Variants in NYX observed in about 807,000 individuals in gnomAD.
The protein encoded by NYX is nyctalopin.
For missense variants in NYX, 481 were observed against 485.4 expected, an observed-to-expected ratio of 0.99 and a Z score of 0.09; for synonymous variants, 258 against 245.7, an observed-to-expected ratio of 1.05 and a Z score of -0.47.
chrX:41,467,655 C>T (rs1186250059), intron 2 of NYX, among the ~76,000 whole-genome samples: 1 of 110,266 alleles, frequency 9.1e-6, no homozygotes, highest in Non-Finnish European at 1.9e-5. Flanking sequence ...CGCCTGGAGA[C>T]TTAATTTATT....
At chrX:41,466,316 A>G (rs2064337664) in intron 2 of NYX, among the ~76,000 whole-genome samples, 1 of 103,470 alleles carries the variant, frequency 9.7e-6, no homozygotes. Context: ...GCTACTTGGG[A>G]GGCTGAGGTG....
chrX:41,452,463 T>C (rs1013225545), intron 2 of NYX, among the ~76,000 whole-genome samples: 1 of 111,584 alleles, frequency 9.0e-6, no homozygotes, highest in Non-Finnish European at 1.9e-5. Context: ...AGTCAGGCAG[T>C]GTGGTATATC....
chrX:41,474,444 C>T lies in NYX; in HGVS notation c.976C>T (p.Leu326Phe), dbSNP rs1321525992. 8.3e-7 allele frequency: 1 copy of T among 1,208,805 alleles called. No homozygotes were observed. Among genetic ancestry groups the T allele is most frequent in the Admixed American group, 2.2e-5 (1 of 46,077 alleles). ...CCAGCCCGGCTTCTTCCTGGGCCGCCTCTTCCTCTTCCGCAACCCGTGGTG... is the reference window on the plus strand; with the variant it reads ...CCAGCCCGGCTTCTTCCTGGGCCGCTTCTTCCTCTTCCGCAACCCGTGGTG... The part of the protein sequence containing the change: ...AFQPGFFLGR[L>F]FLFRNPWCCD... Residue 326 changes from leucine (L) to phenylalanine (F), a missense_variant, in exon 3 of 3, where the codon CTC becomes TTC. Leu to Phe is a conservative substitution (Grantham distance 22). Coordinates refer to ENST00000378220, the MANE Select transcript of NYX (RefSeq NM_001378477.3).
intron 2 of NYX, among the ~76,000 whole-genome samples, chrX:41,461,280 C>T (rs1225179946): frequency 9.2e-6 from 1 of 108,598 alleles, no homozygotes. Flanking sequence ...ATTTGGTTTT[C>T]CATTCCTGAG....
rs3810732 is a variant in NYX, at chrX:41,447,942, G to A, written c.22+16G>A. ...CTTCTGCATGGTGAGTTCTCCTGCC[G>A]GTGGGTGCAAGGGTTGGGAAGAGGG... On this transcript the variant is annotated intron_variant, in intron 2 of 2. Transcript: ENST00000378220. The A allele has an allele frequency of 0.022, 26,104 of 1,205,233 alleles. 235 individuals are homozygous for A. The highest frequency in any genetic ancestry group is 0.025 in the Non-Finnish European group (22,212 of 892,004).
At chrX:41,469,711 T>G (rs1484192423) in intron 2 of NYX, among the ~76,000 whole-genome samples, 1 of 110,162 alleles carries the variant, frequency 9.1e-6, no homozygotes, top group Non-Finnish European at 1.9e-5. Context: ...CACACCCGGC[T>G]AATTTTTGTA....
At chrX:41,464,790 C>T (rs2064332772) in intron 2 of NYX, among the ~76,000 whole-genome samples, 1 of 109,393 alleles carries the variant, frequency 9.1e-6, no homozygotes, top group African/African-American at 3.3e-5. Context: ...ATCTTCTCTC[C>T]TCTGAGACTC....
chrX:41,460,958 T>C (rs1257336591), intron 2 of NYX, among the ~76,000 whole-genome samples: 1 of 93,953 alleles, frequency 1.1e-5, no homozygotes, highest in Non-Finnish European at 2.1e-5. Context: ...TTCATCCATG[T>C]TGCAGGTATC....
At chrX:41,456,113 G>A (rs774288193) in intron 2 of NYX, among the ~76,000 whole-genome samples, 5 of 111,516 alleles carry the variant, frequency 4.5e-5, no homozygotes, top group South Asian at 3.7e-4. Flanking sequence ...TGAGGAGAGC[G>A]GATCACTTGA....
At chrX:41,448,040 G>T (rs1236190291) in intron 2 of NYX, 114 bp downstream of exon 2, 4 of 736,847 alleles carry the variant, frequency 5.4e-6, no homozygotes, top group South Asian at 2.3e-5. Context: ...GGACACTTCT[G>T]ATCAGGTTTC....
At chrX:41,449,501 T>C (rs930789904) in intron 2 of NYX, among the ~76,000 whole-genome samples, 7 of 111,767 alleles carry the variant, frequency 6.3e-5, no homozygotes, top group Middle Eastern at 4.6e-3. Flanking sequence ...CATGACTTCC[T>C]ACCTCGAAGA....
chrX:41,450,141 C>A (rs1318691653), intron 2 of NYX, among the ~76,000 whole-genome samples: 1 of 112,257 alleles, frequency 8.9e-6, no homozygotes, highest in Non-Finnish European at 1.9e-5. Flanking sequence ...CTCCTCCCCC[C>A]ATGTTAACCC....
At chrX:41,462,416 G>A (rs978861369) in intron 2 of NYX, among the ~76,000 whole-genome samples, 1 of 112,418 alleles carries the variant, frequency 8.9e-6, no homozygotes, top group Non-Finnish European at 1.9e-5. Flanking sequence ...TCCACCGGCA[G>A]TGTAAGACAG....
In NYX at chrX:41,474,655, C is replaced by G. The variant is rs746961966; in HGVS notation, c.1187C>G (p.Pro396Arg). ...AACCTCACCACGTCCAGTCCAGGCC[C>G]GTCCCCAGAACCAGCGGCCACCACC... ...ELNLTTSSPG[P>R]SPEPAATTVS... is the part of the protein sequence containing the mutation. The change falls in exon 3 of 3, where the codon CCG (proline) becomes CGG (arginine). Residue 396 changes from proline to arginine, a missense_variant. Coordinates refer to ENST00000378220, the MANE Select transcript of NYX (RefSeq NM_001378477.3). 3.2e-5 allele frequency: 38 copies of G among 1,197,314 alleles called. No homozygotes were observed. The East Asian group carries it at 5.7e-4, about 18-fold the overall frequency.
At chrX:41,471,197 C>T (rs1182161274) in intron 2 of NYX, among the ~76,000 whole-genome samples, 3 of 111,364 alleles carry the variant, frequency 2.7e-5, no homozygotes, top group East Asian at 2.8e-4. Context: ...CTGCAACCTC[C>T]GCTTTCTGGG....
rs62637021 is a variant in NYX at position 41,473,558 on chromosome X, C to A, written c.90C>A (p.Cys30Ter). 2 of 1,012,551 alleles carry A rather than the reference C, an allele frequency of 2.0e-6. No individual in the cohort carries two copies. Among genetic ancestry groups the A allele is most frequent in the Non-Finnish European group, 1.3e-6 (1 of 798,210 alleles). The allele number at this position is 1,012,551 out of a possible 1,213,427, so 83.4% of individuals were successfully genotyped here. A position where few individuals can be genotyped will look rare whatever the true frequency, so the allele number is the denominator to read the frequency against. Residue 30 changes from cysteine (C) to a stop codon, truncating the protein, a stop_gained, in exon 3 of 3, where the codon TGC becomes TGA. Coordinates refer to ENST00000378220, the MANE Select transcript of NYX (RefSeq NM_001378477.3). LOFTEE classifies it low-confidence loss of function (END_TRUNC). Reference protein sequence around the residue: ...GACARACPAACACSTVERGCS... With the variant: ...GACARACPAA ...GCGCCCGCGCTTGTCCCGCCGCCTG[C>A]GCCTGCAGCACCGTGGAGCGCGGCT...
chrX:41,464,099 T>C (rs1479228417), intron 2 of NYX, among the ~76,000 whole-genome samples: 1 of 111,059 alleles, frequency 9.0e-6, no homozygotes, highest in Non-Finnish European at 1.9e-5. Context: ...GAATTCTAGG[T>C]TGCCAAATTT....
chrX:41,459,077 C>T (rs1003794096), intron 2 of NYX, among the ~76,000 whole-genome samples: 10 of 108,906 alleles, frequency 9.2e-5, no homozygotes, highest in East Asian at 3.0e-4. Flanking sequence ...AGCGAGACTC[C>T]GTCTCAAACA....
chrX:41,469,759 C>G (rs929448700), intron 2 of NYX, among the ~76,000 whole-genome samples: 4 of 110,181 alleles, frequency 3.6e-5, no homozygotes, highest in Non-Finnish European at 1.9e-5. Flanking sequence ...GTTGGCCAGG[C>G]TAGTCTCGAA....
Sources: gnomAD v4.1 joint callset for allele counts (sites outside exome capture counted in the v4.1 genomes callset) on GRCh38, gnomAD v4.1.1 for gene constraint, MANE v1.5 for transcripts, NCBI Gene and HGNC (gene_info 2026-07-23, HGNC 2026-07-21) for gene names.